The following DGKG variants were observed in gnomAD, a reference collection of about 807,000 sequenced individuals.
The protein encoded by DGKG is diacylglycerol kinase gamma.
Under a neutral mutation model 105.3 loss-of-function variants are expected in DGKG, and 78 were observed. The observed-to-expected ratio is 0.74, with a 90% CI of 0.62 to 0.89. The LOEUF is 0.89. Ranked by LOEUF, DGKG falls within the 40% of genes least tolerant of loss-of-function variation. The pLI is 0.00. For synonymous variants in DGKG, 346 were observed against 367.1 expected (o/e 0.94, Z 0.66); for missense variants, 958 against 1,020.1 (o/e 0.94, Z 0.83).
At chr3:186,347,946 A>T (rs917415076) in intron 1 of DGKG, among the ~76,000 whole-genome samples, 8 of 152,158 alleles carry the variant, frequency 5.3e-5, no homozygotes, top group Non-Finnish European at 8.8e-5. Context: ...GAAGTTAAGC[A>T]TGGTATTTCT....
chr3:186,266,540 A>G (rs1258157647), intron 13 of DGKG, among the ~76,000 whole-genome samples: 2 of 152,162 alleles, frequency 1.3e-5, no homozygotes, highest in Non-Finnish European at 2.9e-5. Flanking sequence ...GAGTTTGTAT[A>G]TTTCCAATAC....
chr3:186,260,619 G>A (rs1304220210), intron 15 of DGKG, 106 bp from the exon 16 acceptor site: 2 of 857,908 alleles, frequency 2.3e-6, no homozygotes, highest in Non-Finnish European at 3.8e-6. Context: ...CTGGTGGCAG[G>A]GATGAGGGTT....
intron 5 of DGKG, among the ~76,000 whole-genome samples, 198 bp from the exon 6 acceptor site, chr3:186,289,078 C>T (rs1723198626): frequency 6.6e-6 from 1 of 152,148 alleles, no homozygotes; most frequent in Admixed American, 6.5e-5. Context: ...GAAGGGATCC[C>T]ATGCTGACCC....
chr3:186,171,875 A>G (rs1034610563), intron 22 of DGKG, among the ~76,000 whole-genome samples: 1 of 148,790 alleles, frequency 6.7e-6, no homozygotes, highest in Non-Finnish European at 1.5e-5. Context: ...TTCCCCCGAT[A>G]TTTGGAGTCT....
Position 186,161,810 on chromosome 3 carries a change from A to G in DGKG, c.2217-147T>C, listed in dbSNP as rs1227443762. Reference sequence around the variant, plus strand: ...GACTCTTTTGGAGAACTTGTTAAAAATAGATTTCTGAGACCACCTCAGGGA... The same window carrying G: ...GACTCTTTTGGAGAACTTGTTAAAAGTAGATTTCTGAGACCACCTCAGGGA... On this transcript the variant is annotated intron_variant, in intron 23 of 24. Coordinates refer to ENST00000265022, the MANE Select transcript of DGKG (RefSeq NM_001346.3). The G allele has an allele frequency of 2.2e-6, 3 of 1,335,824 alleles. No homozygotes were observed. The African/African-American group carries it at 4.4e-5, about 20-fold the overall frequency. The allele number at this position is 1,335,824 out of a possible 1,614,324, so 82.7% of individuals were successfully genotyped here.
intron 15 of DGKG, among the ~76,000 whole-genome samples, chr3:186,261,139 A>G (rs1721754048): frequency 1.3e-5 from 2 of 152,092 alleles, no homozygotes; most frequent in Non-Finnish European, 2.9e-5. Flanking sequence ...TCTACTAATT[A>G]TTATTTTTTA....
intron 16 of DGKG, among the ~76,000 whole-genome samples, chr3:186,259,718 C>T (rs905787943): frequency 6.6e-6 from 1 of 151,978 alleles, no homozygotes; most frequent in Non-Finnish European, 1.5e-5. Context: ...GTAGAGGGCT[C>T]TCGAGCACCG....
intron 1 of DGKG, among the ~76,000 whole-genome samples, chr3:186,355,317 C>A (rs1379017467): frequency 1.7e-4 from 26 of 150,250 alleles, no homozygotes; most frequent in African/African-American, 3.2e-4. Flanking sequence ...CCCCCACCAC[C>A]ACTACCATCA....
rs559513267 is a variant in DGKG, at chr3:186,260,505, C to T, written c.1358G>A (p.Arg453Gln). ...SGGRQGERIL[R>Q]KFHYLLNPKQ... ...GGGGTTGAGCAGATAGTGGAATTTC[C>T]GAAGAATTCTATGGAAAAAAAAAGA... The change falls in exon 16 of 25, where the codon CGG becomes CAG. Residue 453 changes from arginine (R) to glutamine (Q), a missense_variant. Physicochemically the swap from Arg to Gln is conservative, Grantham distance 43. Around this residue, in one of 2 missense-constraint regions of DGKG, gnomAD observed 643 missense variants for 619.5 expected, o/e 1.04. Transcript: ENST00000265022. 2.1e-4 allele frequency: 334 copies of T among 1,610,510 alleles called. 3 individuals carry two copies. The South Asian group carries it at 2.8e-3, about 14-fold the overall frequency.
chr3:186,352,483 G>A (rs1306175257), intron 1 of DGKG, among the ~76,000 whole-genome samples: 5 of 152,094 alleles, frequency 3.3e-5, no homozygotes, highest in Non-Finnish European at 7.4e-5. Flanking sequence ...CTCCAGCCAC[G>A]GAGCTCATCT....
intron 2 of DGKG, among the ~76,000 whole-genome samples, chr3:186,311,230 A>C (rs1724526582): frequency 6.6e-6 from 1 of 152,212 alleles, no homozygotes; most frequent in Non-Finnish European, 1.5e-5. Context: ...AAGGTTGAGG[A>C]CTGCCATTCT....
intron 3 of DGKG, among the ~76,000 whole-genome samples, chr3:186,303,189 CA>C (rs1691408506): frequency 1.3e-5 from 2 of 152,288 alleles, no homozygotes; most frequent in African/African-American, 4.8e-5. Context: ...CTGGGTTATA[CA>C]AAAGTTCTTT....
At chr3:186,161,453 G>C in intron 24 of DGKG, 150 bp downstream of exon 24, 1 of 1,457,802 alleles carries the variant, frequency 6.9e-7, no homozygotes, top group Non-Finnish European at 9.0e-7. Flanking sequence ...TAAATGAGTG[G>C]ATGGATAATA....
intron 15 of DGKG, among the ~76,000 whole-genome samples, chr3:186,261,071 A>C (rs1296889793): frequency 6.6e-6 from 1 of 152,228 alleles, no homozygotes; most frequent in African/African-American, 2.4e-5. Context: ...AGGTCAGTTC[A>C]GGAGGGGTGT....
intron 20 of DGKG, among the ~76,000 whole-genome samples, chr3:186,217,214 T>C (rs1168672723): frequency 6.6e-6 from 1 of 152,234 alleles, no homozygotes; most frequent in Non-Finnish European, 1.5e-5. Flanking sequence ...GATGTTTTCA[T>C]GGCTGCTGGA....
Position 186,147,216 on chromosome 3 carries a change from T to G in DGKG, c.*2874A>C. Reference sequence around the variant, plus strand: ...TACTAGAGAGTTCCTGCTTTACAGTTTTTATTGCTGTTGGGGTAGAAGCAT... The same window carrying G: ...TACTAGAGAGTTCCTGCTTTACAGTGTTTATTGCTGTTGGGGTAGAAGCAT... On this transcript the variant is annotated 3_prime_UTR_variant, in exon 25 of 25. Transcript: ENST00000265022. 1 of 985,880 alleles carries G rather than the reference T, an allele frequency of 1.0e-6. No individual in the cohort carries two copies. The highest frequency in any genetic ancestry group is 1.2e-6 in the Non-Finnish European group (1 of 830,000). The allele number at this position is 985,880 out of a possible 1,614,324, so 61.1% of individuals were successfully genotyped here.
In DGKG at chr3:186,272,584, G is replaced by A. The variant is rs548215835; in HGVS notation, c.911-241C>T. 3.9e-5 allele frequency among the ~76,000 whole-genome samples: 6 copies of A among 152,294 alleles called. No individual in the cohort carries two copies. In the South Asian group the frequency reaches 1.0e-3, roughly 26 times the overall value. On this transcript the variant is annotated intron_variant, in intron 10 of 24. Transcript: ENST00000265022. ...ACCTGCTTCACTGCCTTCCTCTGCA[G>A]GCAATGAACACAGCAGGAGCACATC...
intron 1 of DGKG, among the ~76,000 whole-genome samples, chr3:186,360,849 G>A (rs914787387): frequency 3.3e-5 from 5 of 152,202 alleles, no homozygotes; most frequent in Non-Finnish European, 5.9e-5. Flanking sequence ...GATCCAAAGT[G>A]TCGTCGCCAA....
chr3:186,183,091 G>A (rs1717436193), intron 22 of DGKG, among the ~76,000 whole-genome samples: 1 of 152,182 alleles, frequency 6.6e-6, no homozygotes. Flanking sequence ...GAGTTGTGGA[G>A]CCTTTCCTCG....
Sources: allele counts gnomAD v4.1 joint callset (sites outside exome capture counted in the v4.1 genomes callset), GRCh38; gene constraint gnomAD v4.1.1; regional missense constraint gnomAD v4.1.1; transcripts MANE v1.5; gene names NCBI Gene and HGNC (gene_info 2026-07-23, HGNC 2026-07-21).